The following DAB1 variants were observed in gnomAD, a reference collection of about 807,000 sequenced individuals.
DAB1 encodes DAB adaptor protein 1, also known as disabled homolog 1.
In DAB1, 15 loss-of-function variants were observed where a neutral mutation model predicts 64.6. The ratio of observed to expected loss-of-function variants is 0.23; its 90% CI spans 0.16 to 0.36. DAB1 has a LOEUF of 0.36. Ranked by LOEUF, DAB1 falls within the 10% of genes least tolerant of loss-of-function variation. The pLI is 1.00. For missense variants in DAB1, 596 were observed against 706.7 expected (o/e 0.84, Z 1.78); for synonymous variants, 235 against 251.9 (o/e 0.93, Z 0.64).
rs79774091 is a variant in DAB1, at chr1:57,106,109, T to C, written c.306+30434A>G. Among the ~76,000 whole-genome samples the C allele has an allele frequency of 3.2e-3, 487 of 152,338 alleles. 3 individuals are homozygous for C. Among genetic ancestry groups the C allele is most frequent in the Non-Finnish European group, 4.7e-3 (317 of 68,030 alleles). The stretch of plus-strand genomic sequence containing the variant: ...CCCCTAGCAGGTGCTCAGTTCCTAA[T>C]AGTTTCTCTCCCTTTCTCTTAGGCA... On this transcript the variant is annotated intron_variant, in intron 4 of 14. Transcript: ENST00000371236.
intron 4 of DAB1, among the ~76,000 whole-genome samples, chr1:58,310,854 T>C (rs574325648): frequency 6.6e-6 from 1 of 152,240 alleles, no homozygotes; most frequent in East Asian, 1.9e-4. Context: ...GGATCAGGCA[T>C]TAGGGGCAAG....
At chr1:58,056,599 G>T in intron 5 of DAB1, 1 of 683,778 alleles carries the variant, frequency 1.5e-6, no homozygotes, top group Non-Finnish European at 2.6e-6. Context: ...TCTCATCAAT[G>T]CCCCAGTGCA....
At chr1:57,692,038 G>C (rs1646770761) in intron 6 of DAB1, among the ~76,000 whole-genome samples, 1 of 151,918 alleles carries the variant, frequency 6.6e-6, no homozygotes, top group East Asian at 1.9e-4. Flanking sequence ...TGTACTTCTG[G>C]GCTGAGCCAA....
intron 7 of DAB1, among the ~76,000 whole-genome samples, chr1:57,573,833 A>G (rs143762320): frequency 1.2e-3 from 189 of 152,316 alleles, no homozygotes; most frequent in African/African-American, 4.3e-3. Context: ...CCTCACACCT[A>G]ACACAAGTCC....
chr1:57,001,434 A>T (rs1645863779), intron 14 of DAB1, among the ~76,000 whole-genome samples: 1 of 152,204 alleles, frequency 6.6e-6, no homozygotes, highest in Non-Finnish European at 1.5e-5. Flanking sequence ...TTAGTCCATT[A>T]GAGCTAATAA....
At chr1:57,073,162 C>T (rs1016405717) in intron 4 of DAB1, among the ~76,000 whole-genome samples, 4 of 152,156 alleles carry the variant, frequency 2.6e-5, no homozygotes, top group Non-Finnish European at 5.9e-5. Context: ...ATCTGTAGAA[C>T]TTTACTTTCT....
intron 4 of DAB1, among the ~76,000 whole-genome samples, chr1:57,092,086 A>G (rs898419402): frequency 2.0e-5 from 3 of 152,230 alleles, no homozygotes; most frequent in African/African-American, 7.2e-5. Flanking sequence ...CTGGCCTAGA[A>G]TAAGAAAGTG....
At chr1:57,482,834 A>T (rs925565114) in intron 7 of DAB1, among the ~76,000 whole-genome samples, 3 of 152,192 alleles carry the variant, frequency 2.0e-5, no homozygotes, top group African/African-American at 7.2e-5. Flanking sequence ...AGATATTGAG[A>T]TCTAGAGAGG....
intron 3 of DAB1, among the ~76,000 whole-genome samples, chr1:58,413,783 A>G (rs1390903497): frequency 1.3e-5 from 2 of 149,948 alleles, no homozygotes; most frequent in Non-Finnish European, 3.0e-5. Flanking sequence ...AACAGAACAG[A>G]GTCAGAGCTG....
intron 7 of DAB1, among the ~76,000 whole-genome samples, chr1:57,643,807 C>T (rs555303435): frequency 2.0e-5 from 3 of 152,268 alleles, no homozygotes; most frequent in South Asian, 2.1e-4. Flanking sequence ...TGGGCTAATC[C>T]GAGACTGGGT....
intron 5 of DAB1, among the ~76,000 whole-genome samples, chr1:57,918,190 AAAG>A (rs1204670229): frequency 6.6e-6 from 1 of 152,148 alleles, no homozygotes; most frequent in Non-Finnish European, 1.5e-5. Flanking sequence ...CAAACAAAAA[AAAG>A]AAGCCATAGA....
chr1:57,012,469 C>A (rs1340556335), intron 12 of DAB1, among the ~76,000 whole-genome samples: 2 of 152,172 alleles, frequency 1.3e-5, no homozygotes, highest in Non-Finnish European at 2.9e-5. Context: ...GCAGCACTGG[C>A]ATTTAACAGA....
chr1:58,390,417 T>C (rs896088891), intron 3 of DAB1, among the ~76,000 whole-genome samples: 1 of 152,194 alleles, frequency 6.6e-6, no homozygotes, highest in Non-Finnish European at 1.5e-5. Context: ...AGCAAAGAAG[T>C]GCAGACCTGC....
intron 7 of DAB1, among the ~76,000 whole-genome samples, chr1:57,570,838 G>A (rs2101532918): frequency 6.6e-6 from 1 of 152,286 alleles, no homozygotes; most frequent in South Asian, 2.1e-4. Flanking sequence ...AGCATGGGAT[G>A]TGTTTTCATT....
chr1:58,405,547 AT>A (rs1644609215), intron 3 of DAB1, among the ~76,000 whole-genome samples: 2 of 151,846 alleles, frequency 1.3e-5, no homozygotes, highest in Admixed American at 1.3e-4. Flanking sequence ...TATATTTGAG[AT>A]GGGGTTTTGC....
intron 7 of DAB1, among the ~76,000 whole-genome samples, chr1:57,535,435 T>C (rs993398780): frequency 4.0e-5 from 6 of 151,784 alleles, no homozygotes; most frequent in Non-Finnish European, 8.8e-5. Context: ...TCTATTGTCT[T>C]AATAGGATTC....
At chr1:57,644,020 A>G (rs1181680559) in intron 7 of DAB1, among the ~76,000 whole-genome samples, 2 of 152,196 alleles carry the variant, frequency 1.3e-5, no homozygotes, top group African/African-American at 4.8e-5. Context: ...CTGATTCTAA[A>G]TTCTGTGATT....
chr1:58,216,209 G>A (rs760694799), intron 4 of DAB1, among the ~76,000 whole-genome samples: 3 of 151,840 alleles, frequency 2.0e-5, no homozygotes, highest in Non-Finnish European at 2.9e-5. Context: ...GCCTTGGTGT[G>A]TGATGTTCCC....
intron 4 of DAB1, among the ~76,000 whole-genome samples, chr1:58,274,783 C>T (rs1240992900): frequency 6.6e-6 from 1 of 152,152 alleles, no homozygotes; most frequent in Admixed American, 6.5e-5. Context: ...GTGCGTCCGT[C>T]ACTCCTTTCT....
Sources: gnomAD v4.1 joint callset for allele counts (sites outside exome capture counted in the v4.1 genomes callset) on GRCh38, gnomAD v4.1.1 for gene constraint, MANE v1.5 for transcripts, NCBI Gene and HGNC (gene_info 2026-07-23, HGNC 2026-07-21) for gene names.